The following CHD9 variants were observed in gnomAD, a reference collection of about 807,000 sequenced individuals.
CHD9 encodes the protein chromodomain helicase DNA binding protein 9, also known as ATP-dependent chromatin remodeler CHD9.
Under a neutral mutation model 316.1 loss-of-function variants are expected in CHD9, and 77 were observed. That is an observed-to-expected ratio of 0.24 (90% CI 0.20 to 0.29). The LOEUF (loss-of-function observed/expected upper bound fraction) is 0.29. Ranked by LOEUF, CHD9 falls within the 10% of genes least tolerant of loss-of-function variation. CHD9 has a pLI of 1.00. For synonymous variants in CHD9, 1,129 were observed against 1,158.3 expected (o/e 0.97, Z 0.51); for missense variants, 2,763 against 3,438.1 (o/e 0.80, Z 4.91).
chr16:53,227,417 G>A lies in CHD9; in HGVS notation c.2065G>A (p.Ala689Thr). 1 of 1,571,078 alleles carries A rather than the reference G, an allele frequency of 6.4e-7. No homozygotes were observed. Among genetic ancestry groups the A allele is most frequent in the South Asian group, 1.2e-5 (1 of 84,554 alleles). Reference protein sequence around the residue: ...LFVENPSEEDAAIVDKILSSR... With the variant: ...LFVENPSEEDTAIVDKILSSR... ...ATAGGAGAATCCGAGTGAAGAAGATGCTGCAATTGTAGACAAAATTCTATC... is the reference window on the plus strand; with the variant it reads ...ATAGGAGAATCCGAGTGAAGAAGATACTGCAATTGTAGACAAAATTCTATC... The change falls in exon 6 of 39, where the codon GCT becomes ACT. Residue 689 changes from alanine (A) to threonine (T), a missense_variant. This residue lies in a region of CHD9 where 859 missense variants were observed against 890.4 expected (regional missense o/e 0.96). Coordinates refer to ENST00000447540, the MANE Select transcript of CHD9 (RefSeq NM_001308319.2).
rs1389415099 is a variant in CHD9, at chr16:53,245,975, C to T, written c.3454+125C>T. ...TCCACTGTGATATTCTAAGGAATTA[C>T]AAGTGTTACAGAATCAGAGGCAATG... On this transcript the variant is annotated intron_variant, in intron 15 of 38. Coordinates refer to ENST00000447540, the MANE Select transcript of CHD9 (RefSeq NM_001308319.2). This position sits in a 1 kb window ranked among gnomAD's most constrained non-coding sequence, Gnocchi z 4.1. 1 of 653,210 alleles carries T rather than the reference C, an allele frequency of 1.5e-6. No individual in the cohort carries two copies. The highest frequency in any genetic ancestry group is 2.3e-6 in the Non-Finnish European group (1 of 433,214). 40.5% of individuals were successfully genotyped at this position (653,210 alleles called of 1,614,324 possible).
chr16:53,135,471 G>A (rs923661974), intron 1 of CHD9, among the ~76,000 whole-genome samples: 2 of 152,142 alleles, frequency 1.3e-5, no homozygotes, highest in East Asian at 3.8e-4. Flanking sequence ...TTTTAGAGAG[G>A]AGATGGTGAG....
At chr16:53,172,099 T>C (rs1437023973) in intron 2 of CHD9, among the ~76,000 whole-genome samples, 2 of 152,130 alleles carry the variant, frequency 1.3e-5, no homozygotes, top group Admixed American at 6.5e-5. Context: ...TTTTGACATA[T>C]GTATATACCA....
chr16:53,100,001 C>T (rs2036711155), intron 1 of CHD9, among the ~76,000 whole-genome samples: 1 of 152,232 alleles, frequency 6.6e-6, no homozygotes, highest in Non-Finnish European at 1.5e-5. Context: ...CGGCCGCGTG[C>T]TTCCTCCCCT....
intron 24 of CHD9, among the ~76,000 whole-genome samples, chr16:53,278,390 T>C (rs2053074256): frequency 6.6e-6 from 1 of 152,134 alleles, no homozygotes; most frequent in African/African-American, 2.4e-5. Flanking sequence ...CAAAACAGCA[T>C]GGTACTGGTA....
chr16:53,284,384 G>A (rs1160713649), intron 24 of CHD9, among the ~76,000 whole-genome samples: 1 of 151,346 alleles, frequency 6.6e-6, no homozygotes, highest in East Asian at 1.9e-4. Flanking sequence ...ATTTGTGTAT[G>A]TATATATAAA....
At position 53,212,156 on chromosome 16, in the gene CHD9, C is replaced by T. The variant is rs547304850; in HGVS notation, c.1784+2343C>T. Among the ~76,000 whole-genome samples the T allele has an allele frequency of 5.9e-5, 9 of 152,186 alleles. No individual in the cohort carries two copies. In the South Asian group the frequency reaches 1.9e-3, roughly 32 times the overall value. On this transcript the variant is annotated intron_variant, in intron 3 of 38. Coordinates refer to ENST00000447540, the MANE Select transcript of CHD9 (RefSeq NM_001308319.2). ...GTGGCTCATGCCTGTAATCCCAGCA[C>T]TTTGGGAGGCCGAGGCGGGCGGATC...
chr16:53,288,986 C>T (rs143418937), intron 27 of CHD9, among the ~76,000 whole-genome samples: 17 of 151,078 alleles, frequency 1.1e-4, no homozygotes, highest in African/African-American at 3.9e-4. Context: ...GCACGAGTCC[C>T]GAAGATGAAG....
At chr16:53,066,896 C>A (rs2033577658) in intron 1 of CHD9, among the ~76,000 whole-genome samples, 1 of 152,082 alleles carries the variant, frequency 6.6e-6, no homozygotes, top group South Asian at 2.1e-4. Flanking sequence ...AAAATTGAGA[C>A]AATACTACAG....
chr16:53,280,824 C>G (rs1307670607), intron 24 of CHD9, among the ~76,000 whole-genome samples: 1 of 152,174 alleles, frequency 6.6e-6, no homozygotes, highest in Non-Finnish European at 1.5e-5. Flanking sequence ...TCCAATGGAT[C>G]TTTCTTCTTC....
In CHD9 at chr16:53,146,419, G is replaced by GTATGTATATA. The variant is rs59577921; in HGVS notation, c.-164-9504_-164-9503insGTATATATAT. 9.1e-4 allele frequency among the ~76,000 whole-genome samples: 70 copies of GTATGTATATA among 76,640 alleles called. 2 individuals are homozygous for GTATGTATATA. Among genetic ancestry groups the GTATGTATATA allele is most frequent in the African/African-American group, 2.0e-3 (33 of 16,850 alleles). 50.3% of individuals were successfully genotyped at this position (76,640 alleles called of 152,430 possible). A position where few individuals can be genotyped will look rare whatever the true frequency, so the allele number is the denominator to read the frequency against. On this transcript the variant is annotated intron_variant, in intron 1 of 38. Coordinates refer to ENST00000447540, the MANE Select transcript of CHD9 (RefSeq NM_001308319.2). ...AAAAAAAAATTGTGTGTGTGTGTATGTATATATATATATATATAATTAAAA... is the reference window on the plus strand; with the variant it reads ...AAAAAAAAATTGTGTGTGTGTGTATGTATGTATATATATATATATATATATATAATTAAAA...
At chr16:53,120,683 C>T (rs2038681805) in intron 1 of CHD9, among the ~76,000 whole-genome samples, 2 of 151,708 alleles carry the variant, frequency 1.3e-5, no homozygotes, top group African/African-American at 2.4e-5. Context: ...ACTCCTTAGG[C>T]TAAGTGGTAT....
chr16:53,196,046 C>T (rs1408619262), intron 2 of CHD9, among the ~76,000 whole-genome samples: 1 of 152,172 alleles, frequency 6.6e-6, no homozygotes, highest in Admixed American at 6.5e-5. Flanking sequence ...GCATGACCCA[C>T]TGTGCCCAGC....
In CHD9 at chr16:53,308,850, A is replaced by G. The variant is rs1489358209; in HGVS notation, c.7218A>G (p.Val2406=). 1 of 1,608,732 alleles carries G rather than the reference A, an allele frequency of 6.2e-7. No homozygotes were observed. Among genetic ancestry groups the G allele is most frequent in the Non-Finnish European group, 8.5e-7 (1 of 1,175,782 alleles). The part of the protein sequence containing the change: ...SLVNFPKSIP[V]SGTSIQPTLG... ...TCAATTTCCCAAAATCCATACCAGTATCAGGTGAATATGCAAGTAATAATT... is the reference window on the plus strand; with the variant it reads ...TCAATTTCCCAAAATCCATACCAGTGTCAGGTGAATATGCAAGTAATAATT... Residue 2406 remains valine (V), a synonymous_variant, in exon 34 of 39, where the codon GTA becomes GTG. Transcript: ENST00000447540.
intron 17 of CHD9, among the ~76,000 whole-genome samples, chr16:53,253,651 A>G (rs1446272540): frequency 2.6e-5 from 4 of 152,184 alleles, no homozygotes; most frequent in African/African-American, 9.7e-5. Context: ...ATTGAAAAAA[A>G]TTTAGAAATT....
chr16:53,307,575 C>T, intron 32 of CHD9, 106 bp from the exon 33 acceptor site: 1 of 936,286 alleles, frequency 1.1e-6, no homozygotes, highest in Admixed American at 2.8e-5. Flanking sequence ...ATAGCACATA[C>T]ACATATGTTG....
At chr16:53,226,856 G>A (rs986970978) in intron 5 of CHD9, among the ~76,000 whole-genome samples, 1 of 152,040 alleles carries the variant, frequency 6.6e-6, no homozygotes. Flanking sequence ...CAAAAATAAC[G>A]ATACCTTTTT....
At chr16:53,082,730 C>T (rs138310959) in intron 1 of CHD9, among the ~76,000 whole-genome samples, 52 of 152,356 alleles carry the variant, frequency 3.4e-4, no homozygotes, top group South Asian at 8.3e-4. Flanking sequence ...ATTCGACCTT[C>T]AGATCTTTGC....
chr16:53,324,096 G>A lies in CHD9; in HGVS notation c.7895G>A (p.Arg2632Lys). 6.2e-7 allele frequency: 1 copy of A among 1,613,952 alleles called. No individual in the cohort carries two copies. Among genetic ancestry groups the A allele is most frequent in the East Asian group, 2.2e-5 (1 of 44,886 alleles). ...AGAGAGGAAGTAAGCAGGCGGGGGAGACGGCCTAAAAGTGGAATTGCAAAG... is the reference window on the plus strand; with the variant it reads ...AGAGAGGAAGTAAGCAGGCGGGGGAAACGGCCTAAAAGTGGAATTGCAAAG... ...VVREEVSRRG[R>K]RPKSGIAKAT... Residue 2632 changes from arginine (R) to lysine (K), a missense_variant, in exon 39 of 39, where the codon AGA (arginine) becomes AAA (lysine). Physicochemically the swap from Arg to Lys is conservative, Grantham distance 26. Transcript: ENST00000447540.
Sources: allele counts gnomAD v4.1 joint callset (sites outside exome capture counted in the v4.1 genomes callset), GRCh38; gene constraint gnomAD v4.1.1; regional missense constraint gnomAD v4.1.1; non-coding constraint Gnocchi (gnomAD v3.1); transcripts MANE v1.5; gene names NCBI Gene and HGNC (gene_info 2026-07-23, HGNC 2026-07-21).